The following KANSL3 variants were observed in gnomAD, a reference collection of about 807,000 sequenced individuals.
KANSL3 encodes NSL complex protein NSL3.
A neutral mutation model predicts 89.2 loss-of-function variants in KANSL3; 16 were observed. That is an observed-to-expected ratio of 0.18 (90% CI 0.12 to 0.27). The LOEUF (loss-of-function observed/expected upper bound fraction) is 0.27, where lower values mean the gene tolerates loss of function less well. KANSL3 is among the 10% of genes least tolerant of loss of function. The pLI is 1.00. For synonymous variants in KANSL3, 385 were observed against 419.7 expected (o/e 0.92, Z 1.01); for missense variants, 879 against 1,110.6 (o/e 0.79, Z 2.96).
chr2:96,631,512 C>G (rs780759379), intron 2 of KANSL3, 30 bp from the exon 3 acceptor site: 21 of 1,552,840 alleles, frequency 1.4e-5, no homozygotes, highest in Non-Finnish European at 1.8e-5. Flanking sequence ...TAGGACCGGG[C>G]CACACATACT....
At chr2:96,586,631 A>G in the KANSL3 span, among the ~76,000 whole-genome samples, 1 of 152,200 alleles carries the variant, frequency 6.6e-6, no homozygotes. Context: ...ATTGAAAAAG[A>G]AAATTGAGAG....
intron 7 of KANSL3, 114 bp downstream of exon 7, chr2:96,612,704 A>G (rs2069224549): frequency 9.3e-7 from 1 of 1,072,274 alleles, no homozygotes; most frequent in Non-Finnish European, 1.4e-6. Flanking sequence ...GAAGGGTTAG[A>G]GGAGGCTCCA....
intron 3 of KANSL3, among the ~76,000 whole-genome samples, chr2:96,629,473 C>T (rs900289264): frequency 1.3e-5 from 2 of 152,190 alleles, no homozygotes; most frequent in African/African-American, 4.8e-5. Flanking sequence ...CAGGCATGCG[C>T]CACCACACCC....
At chr2:96,604,884 A>C (rs1165340212) in intron 15 of KANSL3, 21 bp from the exon 16 acceptor site, 1 of 1,573,230 alleles carries the variant, frequency 6.4e-7, no homozygotes, top group South Asian at 1.2e-5. Flanking sequence ...GAAAACCCCA[A>C]GGCCCCTGGT....
intron 19 of KANSL3, 27 bp from the exon 20 acceptor site, chr2:96,601,803 T>G: frequency 6.5e-7 from 1 of 1,529,046 alleles, no homozygotes; most frequent in Non-Finnish European, 8.8e-7. Flanking sequence ...GAAGCAGAAT[T>G]TTTGAGTCAC....
chr2:96,611,007 T>C (rs1573414231), intron 10 of KANSL3, 57 bp downstream of exon 10: 93 of 1,584,506 alleles, frequency 5.9e-5, no homozygotes, highest in Non-Finnish European at 7.9e-5. Context: ...GGACAAGGCA[T>C]GCACACTCGC....
In KANSL3 at chr2:96,636,591, G is replaced by A. The variant is rs144801095; in HGVS notation, c.215+330C>T. On this transcript the variant is annotated intron_variant, in intron 2 of 20. Coordinates refer to ENST00000431828, the MANE Select transcript of KANSL3 (RefSeq NM_001115016.3). The stretch of plus-strand genomic sequence containing the variant: ...TGTGATAAAAGAGTCGTATCCTGTG[G>A]GTAATCTTTTAAAATCAACTTTTCA... The A allele has an allele frequency of 3.1e-4, 75 of 241,060 alleles. No individual in the cohort carries two copies. The East Asian group carries it at 6.5e-3, about 21-fold the overall frequency. The allele number at this position is 241,060 out of a possible 1,614,324, so 14.9% of individuals were successfully genotyped here. A position where few individuals can be genotyped will look rare whatever the true frequency, so the allele number is the denominator to read the frequency against.
Position 96,605,439 on chromosome 2 carries a change from G to T in KANSL3, c.1814C>A (p.Pro605His). The T allele has an allele frequency of 6.2e-7, 1 of 1,613,928 alleles. No individual in the cohort carries two copies. The highest frequency in any genetic ancestry group is 1.1e-5 in the South Asian group (1 of 91,080). Reference protein sequence around the residue: ...DLRVQLKRHHPSSPLPGSKTS... With the variant: ...DLRVQLKRHHHSSPLPGSKTS... Reference sequence around the variant, plus strand: ...CTTACTGCCAGGAAGGGGACTCGAGGGATGGTGTCGCTTCAGCTGAACCCT... The same window carrying T: ...CTTACTGCCAGGAAGGGGACTCGAGTGATGGTGTCGCTTCAGCTGAACCCT... The change falls in exon 15 of 21, where the codon CCC becomes CAC. Residue 605 changes from proline to histidine, a missense_variant. This residue lies in a region of KANSL3 where 317 missense variants were observed against 311.2 expected (regional missense o/e 1.02). Coordinates refer to ENST00000431828, the MANE Select transcript of KANSL3 (RefSeq NM_001115016.3).
the KANSL3 span, among the ~76,000 whole-genome samples, chr2:96,586,150 G>A: frequency 3.3e-5 from 5 of 151,936 alleles, no homozygotes; most frequent in South Asian, 4.2e-4. Context: ...ACTTGAACCC[G>A]GGAGGCGGAG....
the KANSL3 span, among the ~76,000 whole-genome samples, chr2:96,586,054 A>G: frequency 1.3e-5 from 2 of 152,056 alleles, no homozygotes; most frequent in African/African-American, 2.4e-5. Flanking sequence ...TGGTGAAACC[A>G]TATCTACCAA....
chr2:96,582,332 A>T, the KANSL3 span, among the ~76,000 whole-genome samples: 1 of 152,040 alleles, frequency 6.6e-6, no homozygotes, highest in Non-Finnish European at 1.5e-5. Context: ...CAGGAGGTGG[A>T]GGTTGCAATG....
intron 2 of KANSL3, 81 bp from the exon 3 acceptor site, chr2:96,631,563 T>C: frequency 6.7e-7 from 1 of 1,489,434 alleles, no homozygotes; most frequent in Non-Finnish European, 9.2e-7. Context: ...AAAAAATGTA[T>C]CTTTAATACA....
chr2:96,612,592 G>A (rs765559294), intron 7 of KANSL3, 29 bp from the exon 8 acceptor site: 1 of 1,551,916 alleles, frequency 6.4e-7, no homozygotes, highest in Non-Finnish European at 8.9e-7. Flanking sequence ...CCCCACACCA[G>A]CAGAGGTAAG....
chr2:96,624,921 T>A (rs982451949), intron 3 of KANSL3, among the ~76,000 whole-genome samples: 1 of 151,994 alleles, frequency 6.6e-6, no homozygotes, highest in African/African-American at 2.4e-5. Flanking sequence ...AATCTCTGGA[T>A]AAGGCCAGGA....
In KANSL3 at chr2:96,601,907, G is replaced by A. The variant is rs62154845; in HGVS notation, c.2483-131C>T. On this transcript the variant is annotated intron_variant, in intron 19 of 20. Coordinates refer to ENST00000431828, the MANE Select transcript of KANSL3 (RefSeq NM_001115016.3). ...CCTCCTCCCCAGCTGGGTCATCTAT[G>A]CCCTATCAGTCAATCTGAAAGGCAA... 383,108 of 1,369,238 alleles carry A rather than the reference G, an allele frequency of 0.28. 62,696 individuals carry two copies. The highest frequency in any genetic ancestry group is 0.66 in the South Asian group (42,713 of 64,812). 84.8% of individuals were successfully genotyped at this position (1,369,238 alleles called of 1,614,324 possible).
intron 20 of KANSL3, chr2:96,599,859 A>G (rs1381528561): frequency 1.2e-5 from 2 of 161,332 alleles, no homozygotes; most frequent in Non-Finnish European, 2.6e-5. Flanking sequence ...AATATGAAAC[A>G]TATTTTCATC....
In KANSL3 at chr2:96,601,805, T is replaced by C. The variant is rs146144150; in HGVS notation, c.2483-29A>G. 1,355 of 1,528,578 alleles carry C rather than the reference T, an allele frequency of 8.9e-4. 16 individuals are homozygous for C. In the African/African-American group the frequency reaches 0.016, roughly 18 times the overall value. The allele number at this position is 1,528,578 out of a possible 1,614,324, so 94.7% of individuals were successfully genotyped here. A position where few individuals can be genotyped will look rare whatever the true frequency, so the allele number is the denominator to read the frequency against. On this transcript the variant is annotated intron_variant, in intron 19 of 20. Coordinates refer to ENST00000431828, the MANE Select transcript of KANSL3 (RefSeq NM_001115016.3). ...AGATAAAGAGAGAGAAGCAGAATTT[T>C]TGAGTCACACTCTCCACCTTCTACT...
intron 20 of KANSL3, chr2:96,601,408 C>CT: frequency 1.0e-6 from 1 of 985,190 alleles, no homozygotes; most frequent in Non-Finnish European, 1.2e-6. Flanking sequence ...ACACTGCTAC[C>CT]CACTTGAACA....
At chr2:96,626,666 C>T (rs1220397513) in intron 3 of KANSL3, among the ~76,000 whole-genome samples, 1 of 152,104 alleles carries the variant, frequency 6.6e-6, no homozygotes, top group Non-Finnish European at 1.5e-5. Context: ...AAAAGCTATG[C>T]AACTAATGAA....
Sources: allele counts gnomAD v4.1 joint callset (sites outside exome capture counted in the v4.1 genomes callset), GRCh38; gene constraint gnomAD v4.1.1; regional missense constraint gnomAD v4.1.1; transcripts MANE v1.5; gene names NCBI Gene and HGNC (gene_info 2026-07-23, HGNC 2026-07-21).